The following TAF3 variants were observed in gnomAD, a reference collection of about 807,000 sequenced individuals.
The protein encoded by TAF3 is transcription initiation factor TFIID subunit 3.
Under a neutral mutation model 80.6 loss-of-function variants are expected in TAF3, and 7 were observed. That is an observed-to-expected ratio of 0.09 (90% CI 0.05 to 0.16). The LOEUF (loss-of-function observed/expected upper bound fraction) is 0.16. Ranked by LOEUF, TAF3 falls within the 10% of genes least tolerant of loss-of-function variation. The pLI is 1.00. For synonymous variants in TAF3, 444 were observed against 446.1 expected (o/e 1.00, Z 0.06); for missense variants, 921 against 1,140.2 (o/e 0.81, Z 2.77).
chr10:7,860,526 A>T (rs1259818376), intron 2 of TAF3, among the ~76,000 whole-genome samples: 1 of 152,122 alleles, frequency 6.6e-6, no homozygotes, highest in Non-Finnish European at 1.5e-5. Flanking sequence ...ATTTCGAGAT[A>T]CTTCCCCTCA....
chr10:7,940,518 G>A (rs1837966330), intron 2 of TAF3, among the ~76,000 whole-genome samples: 1 of 152,228 alleles, frequency 6.6e-6, no homozygotes, highest in African/African-American at 2.4e-5. Context: ...AAAAAACAGT[G>A]TGCAGTTCTC....
At chr10:8,000,869 AAG>A (rs1208837481) in intron 4 of TAF3, among the ~76,000 whole-genome samples, 1 of 152,184 alleles carries the variant, frequency 6.6e-6, no homozygotes, top group Non-Finnish European at 1.5e-5. Flanking sequence ...ACTTTTTTCT[AAG>A]TATACACTCA....
At chr10:7,981,790 C>G (rs1831728427) in intron 4 of TAF3, among the ~76,000 whole-genome samples, 2 of 152,126 alleles carry the variant, frequency 1.3e-5, no homozygotes, top group East Asian at 1.9e-4. Context: ...TTTTTTGTTG[C>G]ATTTCACAGA....
At position 7,902,231 on chromosome 10, in the gene TAF3, C is replaced by T. The variant is rs145082400; in HGVS notation, c.410-61689C>T. ...TTGAGGTCGGGAGTTCGAGATCAGC[C>T]TGACCAACATGGAGAAACCCTGTCT... On this transcript the variant is annotated intron_variant, in intron 2 of 6. Transcript: ENST00000344293. 3.7e-3 allele frequency among the ~76,000 whole-genome samples: 563 copies of T among 152,096 alleles called. 4 individuals carry two copies. Among genetic ancestry groups the T allele is most frequent in the South Asian group, 0.019 (93 of 4,814 alleles).
chr10:8,010,274 A>G (rs765904497), intron 5 of TAF3, among the ~76,000 whole-genome samples: 8 of 152,206 alleles, frequency 5.3e-5, no homozygotes, highest in Non-Finnish European at 8.8e-5. Context: ...TTACATCACA[A>G]TGTTCACATA....
chr10:7,904,580 A>G (rs1172276197), intron 2 of TAF3, among the ~76,000 whole-genome samples: 1 of 152,218 alleles, frequency 6.6e-6, no homozygotes, highest in Non-Finnish European at 1.5e-5. Flanking sequence ...TAACAAAGGA[A>G]GGAATAAATA....
chr10:7,869,271 G>T (rs146629461), intron 2 of TAF3, among the ~76,000 whole-genome samples: 1,665 of 152,182 alleles, frequency 0.011, 20 homozygotes, highest in Middle Eastern at 0.031. Flanking sequence ...CTGTGTGTGT[G>T]TGTCTGTGTG....
intron 2 of TAF3, among the ~76,000 whole-genome samples, chr10:7,962,620 T>C (rs940826118): frequency 4.6e-5 from 7 of 152,216 alleles, no homozygotes; most frequent in Admixed American, 4.6e-4. Flanking sequence ...CCTTCATCTA[T>C]TTGTCATCTG....
rs1324556251 is a variant in TAF3 at position 8,014,944 on chromosome 10, G to A, written c.*193G>A. 7 of 469,630 alleles carry A rather than the reference G, an allele frequency of 1.5e-5. No homozygotes were observed. The highest frequency in any genetic ancestry group is 2.7e-5 in the Non-Finnish European group (7 of 260,892). 29.1% of individuals were successfully genotyped at this position (469,630 alleles called of 1,614,324 possible). A position where few individuals can be genotyped will look rare whatever the true frequency, so the allele number is the denominator to read the frequency against. The stretch of plus-strand genomic sequence containing the variant: ...CCGAGCCGCCTTGGCCTGTGGCTCC[G>A]TGGCAGTGCGACAGAAGGAAACTCA... On this transcript the variant is annotated 3_prime_UTR_variant, in exon 7 of 7. Transcript: ENST00000344293.
At position 8,016,342 on chromosome 10, in the gene TAF3, A is replaced by G. The variant is rs148656435; in HGVS notation, c.*1591A>G. On this transcript the variant is annotated 3_prime_UTR_variant, in exon 7 of 7. Transcript: ENST00000344293. Reference sequence around the variant, plus strand: ...TTTTAAAACATTATGTGGTTAGAGAAATGCGGTTTTCTGCCATGAATGTTA... The same window carrying G: ...TTTTAAAACATTATGTGGTTAGAGAGATGCGGTTTTCTGCCATGAATGTTA... 6.6e-6 allele frequency: 1 copy of G among 152,324 alleles called. No individual in the cohort carries two copies. The highest frequency in any genetic ancestry group is 2.1e-4 in the South Asian group (1 of 4,824). 9.4% of individuals were successfully genotyped at this position (152,324 alleles called of 1,614,324 possible).
intron 2 of TAF3, among the ~76,000 whole-genome samples, chr10:7,838,087 A>G (rs1425658927): frequency 6.6e-6 from 1 of 152,240 alleles, no homozygotes; most frequent in Non-Finnish European, 1.5e-5. Context: ...GGAAGGAGAA[A>G]TGGAAGTTTA....
At chr10:7,935,172 G>A (rs556526339) in intron 2 of TAF3, among the ~76,000 whole-genome samples, 220 of 152,268 alleles carry the variant, frequency 1.4e-3, no homozygotes, top group African/African-American at 5.1e-3. Flanking sequence ...AGCTACTCAG[G>A]AGGGTGAGAC....
At chr10:7,902,873 C>A (rs1191734985) in intron 2 of TAF3, among the ~76,000 whole-genome samples, 1 of 151,968 alleles carries the variant, frequency 6.6e-6, no homozygotes, top group Non-Finnish European at 1.5e-5. Context: ...CTCTCTTCCA[C>A]TTCTGTACCC....
Position 7,822,339 on chromosome 10 carries a change from G to A in TAF3, c.167-1979G>A, listed in dbSNP as rs546387569. Among the ~76,000 whole-genome samples, 17 of 152,058 alleles carry A rather than the reference G, an allele frequency of 1.1e-4. No homozygotes were observed. In the South Asian group the frequency reaches 3.5e-3, roughly 32 times the overall value. On this transcript the variant is annotated intron_variant, in intron 1 of 6. Coordinates refer to ENST00000344293, the MANE Select transcript of TAF3 (RefSeq NM_031923.4). ...CTGCAAAGCATATGGAGGAATTTAA[G>A]ATTATTATATTTTTTAGACTGAGAG...
At position 7,837,878 on chromosome 10, in the gene TAF3, C is replaced by T. The variant is rs552028656; in HGVS notation, c.409+13318C>T. ...AGAGAAAAGATGTTTATTCTTACAA[C>T]GTAGATTACTTACTGATTTAATAGA... is the stretch of plus-strand genomic sequence containing the variant. On this transcript the variant is annotated intron_variant, in intron 2 of 6. Coordinates refer to ENST00000344293, the MANE Select transcript of TAF3 (RefSeq NM_031923.4). Among the ~76,000 whole-genome samples the T allele has an allele frequency of 1.6e-4, 25 of 152,210 alleles. 1 individual carries two copies. In the South Asian group the frequency reaches 4.1e-3, roughly 25 times the overall value.
At chr10:7,956,061 A>G (rs458116) in intron 2 of TAF3, among the ~76,000 whole-genome samples, 47,640 of 152,162 alleles carry the variant, frequency 0.31, 7,770 homozygotes, top group African/African-American at 0.41. Context: ...AAATTATACT[A>G]TAATTAGGTA....
intron 2 of TAF3, among the ~76,000 whole-genome samples, chr10:7,922,566 A>T (rs1305322871): frequency 6.6e-6 from 1 of 152,112 alleles, no homozygotes; most frequent in Non-Finnish European, 1.5e-5. Flanking sequence ...CACTATTTGA[A>T]TAAAAGCATG....
intron 2 of TAF3, among the ~76,000 whole-genome samples, chr10:7,918,866 A>T (rs779319629): frequency 5.3e-5 from 8 of 152,178 alleles, no homozygotes; most frequent in African/African-American, 1.4e-4. Flanking sequence ...GAGGGATAGC[A>T]GGTGGAAGGA....
intron 2 of TAF3, among the ~76,000 whole-genome samples, chr10:7,857,117 T>C: frequency 6.6e-6 from 1 of 152,194 alleles, no homozygotes; most frequent in Non-Finnish European, 1.5e-5. Flanking sequence ...TTTATGTTAA[T>C]GAGGAAGACA....
Sources: gnomAD v4.1 joint callset for allele counts (sites outside exome capture counted in the v4.1 genomes callset) on GRCh38, gnomAD v4.1.1 for gene constraint, MANE v1.5 for transcripts, NCBI Gene and HGNC (gene_info 2026-07-23, HGNC 2026-07-21) for gene names.